The following EHMT1 variants were observed in gnomAD, a reference collection of about 807,000 sequenced individuals.
EHMT1 encodes histone-lysine N-methyltransferase EHMT1.
Under a neutral mutation model 147.2 loss-of-function variants are expected in EHMT1, and 15 were observed. The observed-to-expected ratio is 0.10, with a 90% CI of 0.07 to 0.16. The LOEUF is 0.16. Ranked by LOEUF, EHMT1 falls within the 10% of genes least tolerant of loss-of-function variation. The pLI is 1.00. For synonymous variants in EHMT1, 795 were observed against 709.6 expected (o/e 1.12, Z -1.91); for missense variants, 1,587 against 1,772.4 (o/e 0.90, Z 1.88).
chr9:137,683,963 C>T (rs1942202887), intron 1 of EHMT1, among the ~76,000 whole-genome samples: 2 of 151,982 alleles, frequency 1.3e-5, no homozygotes, highest in South Asian at 4.1e-4. Context: ...TGCTTGAACC[C>T]GTCAACAATA....
chr9:137,762,044 A>C (rs990603020), intron 9 of EHMT1, among the ~76,000 whole-genome samples: 6 of 152,228 alleles, frequency 3.9e-5, no homozygotes, highest in African/African-American at 1.4e-4. Flanking sequence ...GACGGGCCCA[A>C]GGCCGCCTGC....
At chr9:137,669,412 C>G (rs1940201176) in intron 1 of EHMT1, among the ~76,000 whole-genome samples, 1 of 149,196 alleles carries the variant, frequency 6.7e-6, no homozygotes. Flanking sequence ...AGCACGTGCA[C>G]TCCACGACTG....
intron 8 of EHMT1, among the ~76,000 whole-genome samples, chr9:137,755,577 C>A (rs575046987): frequency 2.0e-5 from 3 of 152,294 alleles, no homozygotes; most frequent in Admixed American, 6.5e-5. Context: ...TTCCCTAGAT[C>A]TTGGTTAGGT....
At chr9:137,777,685 C>T (rs1951059037) in intron 12 of EHMT1, among the ~76,000 whole-genome samples, 197 bp from the exon 13 acceptor site, 1 of 152,076 alleles carries the variant, frequency 6.6e-6, no homozygotes. Flanking sequence ...AACACGCTGC[C>T]CAGAAGTCTA....
intron 1 of EHMT1, among the ~76,000 whole-genome samples, chr9:137,670,087 T>TGGCCTCAAGTGATCCGCC (rs1207930984): frequency 1.3e-5 from 2 of 152,200 alleles, no homozygotes; most frequent in Admixed American, 6.5e-5. Flanking sequence ...GTCTAACTCT[T>TGGCCTCAAGTGATCCGCC]GGCCTCAAGT....
At position 137,741,624 on chromosome 9, in the gene EHMT1, C is replaced by A. The variant is rs142429349; in HGVS notation, c.824-1747C>A. ...CTAGTGAGAAAGTACATGTAGTCAC[C>A]CTTGGGTATATGCAGAGATTGGCTC... is the stretch of plus-strand genomic sequence containing the variant. On this transcript the variant is annotated intron_variant, in intron 4 of 26. Coordinates refer to ENST00000460843, the MANE Select transcript of EHMT1 (RefSeq NM_024757.5). Among the ~76,000 whole-genome samples the A allele has an allele frequency of 1.5e-3, 221 of 152,256 alleles. 2 individuals are homozygous for A. Among genetic ancestry groups the A allele is most frequent in the Middle Eastern group, 6.8e-3 (2 of 294 alleles).
At chr9:137,694,985 G>C (rs1033964436) in intron 1 of EHMT1, among the ~76,000 whole-genome samples, 3 of 152,230 alleles carry the variant, frequency 2.0e-5, no homozygotes, top group Admixed American at 1.3e-4. Context: ...CATACCCTCT[G>C]ACCTCACACT....
intron 10 of EHMT1, among the ~76,000 whole-genome samples, chr9:137,768,716 A>T (rs1950403367): frequency 6.7e-6 from 1 of 150,132 alleles, no homozygotes; most frequent in South Asian, 2.1e-4. Flanking sequence ...CGCCCGGCTA[A>T]TTTTTTGTAT....
rs936056985 is a variant in EHMT1, at chr9:137,813,240, G to A, written c.3035+67G>A. 1 of 1,583,160 alleles carries A rather than the reference G, an allele frequency of 6.3e-7. No homozygotes were observed. The highest frequency in any genetic ancestry group is 8.5e-7 in the Non-Finnish European group (1 of 1,170,842). ...CAGCAGGGCTTTGGGAACTTGCGGT[G>A]AAAGCTGCTCCTGAAGCCGAAACAT... On this transcript the variant is annotated intron_variant, in intron 20 of 26. Coordinates refer to ENST00000460843, the MANE Select transcript of EHMT1 (RefSeq NM_024757.5). This position sits in a 1 kb window ranked among gnomAD's most constrained non-coding sequence, Gnocchi z 4.9.
At chr9:137,719,339 C>G (rs1202536683) in intron 3 of EHMT1, among the ~76,000 whole-genome samples, 3 of 152,124 alleles carry the variant, frequency 2.0e-5, no homozygotes, top group Non-Finnish European at 4.4e-5. Flanking sequence ...GGGTGGTGGG[C>G]ACACTGTGGG....
intron 8 of EHMT1, among the ~76,000 whole-genome samples, chr9:137,757,221 G>T (rs1007062361): frequency 1.1e-4 from 17 of 152,248 alleles, no homozygotes; most frequent in African/African-American, 4.1e-4. Flanking sequence ...GAAGCCCACA[G>T]AAGTGTTTGC....
chr9:137,737,690 A>G (rs1004791547), intron 4 of EHMT1, among the ~76,000 whole-genome samples: 3 of 152,194 alleles, frequency 2.0e-5, no homozygotes, highest in Non-Finnish European at 2.9e-5. Flanking sequence ...CTTTTGATGC[A>G]CAAAGCTTTC....
At chr9:137,780,351 G>A (rs1161248165) in intron 14 of EHMT1, among the ~76,000 whole-genome samples, 1 of 139,914 alleles carries the variant, frequency 7.1e-6, no homozygotes, top group Non-Finnish European at 1.5e-5. Flanking sequence ...ATGACGCTGA[G>A]ACGTGTGGTG....
chr9:137,654,564 C>G (rs1014352263), intron 1 of EHMT1, among the ~76,000 whole-genome samples: 3 of 152,004 alleles, frequency 2.0e-5, no homozygotes, highest in African/African-American at 7.2e-5. Context: ...CAAGTTTGTT[C>G]TTCTTTTTCC....
intron 18 of EHMT1, among the ~76,000 whole-genome samples, chr9:137,810,154 T>C (rs55959883): frequency 1.6e-5 from 1 of 61,486 alleles, no homozygotes; most frequent in Non-Finnish European, 3.2e-5. Flanking sequence ...CCTCGTGGAC[T>C]GTGGGTGATG....
intron 1 of EHMT1, among the ~76,000 whole-genome samples, chr9:137,625,039 G>A (rs1039678534): frequency 3.3e-5 from 5 of 151,798 alleles, no homozygotes; most frequent in African/African-American, 1.2e-4. Flanking sequence ...CTGCCACCCC[G>A]CCCCGCTAAT....
At chr9:137,771,980 C>T (rs1950614875) in intron 10 of EHMT1, among the ~76,000 whole-genome samples, 1 of 152,120 alleles carries the variant, frequency 6.6e-6, no homozygotes, top group East Asian at 1.9e-4. Context: ...AAGGCTAGCC[C>T]AGGACAGCTG....
chr9:137,676,653 T>C (rs1941363072), intron 1 of EHMT1: 1 of 152,408 alleles, frequency 6.6e-6, no homozygotes, highest in Non-Finnish European at 1.5e-5. Context: ...CAAATGCTTT[T>C]GTGCAGAGGA....
At chr9:137,639,476 C>T (rs1285905413) in intron 1 of EHMT1, among the ~76,000 whole-genome samples, 1 of 152,112 alleles carries the variant, frequency 6.6e-6, no homozygotes, top group Non-Finnish European at 1.5e-5. Context: ...GTTTTTGCCT[C>T]GTGTTTTGAG....
Sources: gnomAD v4.1 joint callset for allele counts (sites outside exome capture counted in the v4.1 genomes callset) on GRCh38, gnomAD v4.1.1 for gene constraint, Gnocchi (gnomAD v3.1) non-coding constraint, MANE v1.5 for transcripts, NCBI Gene and HGNC (gene_info 2026-07-23, HGNC 2026-07-21) for gene names.